The following TNRC6A variants were observed in gnomAD, a reference collection of about 807,000 sequenced individuals.
TNRC6A encodes trinucleotide repeat-containing gene 6A protein.
TNRC6A carries 44 observed loss-of-function variants against 221.2 expected under a neutral mutation model. The ratio of observed to expected loss-of-function variants is 0.20; its 90% CI spans 0.16 to 0.26. The LOEUF (loss-of-function observed/expected upper bound fraction) is 0.26. Ranked by LOEUF, TNRC6A falls within the 10% of genes least tolerant of loss-of-function variation. The pLI, the probability that TNRC6A is intolerant of heterozygous loss-of-function variation, is 1.00. For missense variants in TNRC6A, 2,199 were observed against 2,404.4 expected (o/e 0.91, Z 1.79); for synonymous variants, 847 against 838.5 (o/e 1.01, Z -0.18).
chr16:24,769,840 T>C (rs2057553056), intron 4 of TNRC6A, among the ~76,000 whole-genome samples: 1 of 152,238 alleles, frequency 6.6e-6, no homozygotes, highest in Admixed American at 6.5e-5. Flanking sequence ...CTCAGTATTG[T>C]TCTATCTTGT....
intron 2 of TNRC6A, among the ~76,000 whole-genome samples, chr16:24,741,898 G>T (rs934120664): frequency 6.6e-6 from 1 of 152,116 alleles, no homozygotes; most frequent in Admixed American, 6.5e-5. Flanking sequence ...ATACAGTGGC[G>T]TGATCGTGGC....
intron 4 of TNRC6A, among the ~76,000 whole-genome samples, chr16:24,765,949 C>T (rs1348489891): frequency 6.6e-6 from 1 of 151,992 alleles, no homozygotes; most frequent in Non-Finnish European, 1.5e-5. Context: ...TTCTAACAAA[C>T]GTAGATTTGT....
At chr16:24,810,149 A>G (rs771414540) in intron 18 of TNRC6A, among the ~76,000 whole-genome samples, 5 of 152,234 alleles carry the variant, frequency 3.3e-5, no homozygotes, top group Admixed American at 1.3e-4. Context: ...ATATATGGAC[A>G]CATTTCTTTA....
At chr16:24,658,919 C>T (rs1172302620) in intron 2 of TNRC6A, among the ~76,000 whole-genome samples, 4 of 151,886 alleles carry the variant, frequency 2.6e-5, no homozygotes, top group Admixed American at 2.6e-4. Context: ...AGCGATCCTC[C>T]CACCTCAGCC....
At position 24,669,766 on chromosome 16, in the gene TNRC6A, T is replaced by A. The variant is rs567381708; in HGVS notation, n.402+28757T>A. Reference sequence around the variant, plus strand: ...GTGCTGGCAGGAGGAGGAATAACAGTACTTGTTTTAGTAGTAAGAGTAGTA... The same window carrying A: ...GTGCTGGCAGGAGGAGGAATAACAGAACTTGTTTTAGTAGTAAGAGTAGTA... On this transcript the variant is annotated intron_variant and non_coding_transcript_variant, in intron 2 of 2. Transcript: ENST00000566108. Among the ~76,000 whole-genome samples the A allele has an allele frequency of 3.3e-5, 5 of 151,992 alleles. No individual in the cohort carries two copies. In the South Asian group the frequency reaches 1.0e-3, roughly 32 times the overall value.
intron 2 of TNRC6A, among the ~76,000 whole-genome samples, chr16:24,670,663 ATC>A (rs1462053231): frequency 6.6e-6 from 1 of 152,004 alleles, no homozygotes; most frequent in Non-Finnish European, 1.5e-5. Context: ...CCAGCCTCCG[ATC>A]TCTCTCATTT....
intron 2 of TNRC6A, among the ~76,000 whole-genome samples, chr16:24,694,585 G>A (rs1275462685): frequency 6.8e-6 from 1 of 147,998 alleles, no homozygotes; most frequent in Admixed American, 6.9e-5. Context: ...AACCCTGGAG[G>A]CAGGGTTGCA....
chr16:24,622,340 C>G (rs1019674321), intron 1 of TNRC6A, among the ~76,000 whole-genome samples: 4 of 152,232 alleles, frequency 2.6e-5, no homozygotes, highest in Non-Finnish European at 5.9e-5. Context: ...GTGGCTCACA[C>G]CTGTAATCGT....
intron 2 of TNRC6A, among the ~76,000 whole-genome samples, chr16:24,713,976 T>C (rs1274013565): frequency 1.3e-5 from 2 of 152,202 alleles, no homozygotes; most frequent in Non-Finnish European, 2.9e-5. Flanking sequence ...GATTCAATTA[T>C]GATTTGCCTT....
chr16:24,708,244 G>GT (rs778579144), intron 2 of TNRC6A, among the ~76,000 whole-genome samples: 25,754 of 138,374 alleles, frequency 0.19, 2,766 homozygotes, highest in South Asian at 0.29. Flanking sequence ...ACATGGATGA[G>GT]TTTTTTTTTT....
Position 24,730,226 on chromosome 16 carries a change from GTTTTTGTTTTT to G in TNRC6A, c.6-26_6-16del. On this transcript the variant is annotated splice_polypyrimidine_tract_variant and intron_variant, in intron 1 of 24. Transcript: ENST00000395799. ...GTTTTTGTGTGTGTGTTTTTGTTTT[GTTTTTGTTTTT>G]GTTTTTTTGTTTCAGAGAATTGGAA... 2 of 1,571,544 alleles carry G rather than the reference GTTTTTGTTTTT, an allele frequency of 1.3e-6. No homozygotes were observed. Among genetic ancestry groups the G allele is most frequent in the Admixed American group, 3.6e-5 (2 of 55,162 alleles).
At chr16:24,767,252 A>G (rs1386612302) in intron 4 of TNRC6A, among the ~76,000 whole-genome samples, 2 of 152,260 alleles carry the variant, frequency 1.3e-5, no homozygotes, top group East Asian at 1.9e-4. Context: ...ATACATGTTC[A>G]GAAGGAGGAA....
intron 2 of TNRC6A, among the ~76,000 whole-genome samples, chr16:24,699,796 G>A (rs1253303118): frequency 6.6e-6 from 1 of 151,788 alleles, no homozygotes; most frequent in Non-Finnish European, 1.5e-5. Context: ...GCACTGAGCT[G>A]AAGGGCCACA....
chr16:24,627,308 T>C (rs1472662535), intron 1 of TNRC6A, among the ~76,000 whole-genome samples: 1 of 152,066 alleles, frequency 6.6e-6, no homozygotes, highest in Non-Finnish European at 1.5e-5. Context: ...TGCTTCACAA[T>C]CCGGGTCAGC....
At chr16:24,805,857 C>A in intron 15 of TNRC6A, 124 bp downstream of exon 15, 1 of 1,260,432 alleles carries the variant, frequency 7.9e-7, no homozygotes. Context: ...CCTCATGGAG[C>A]TTACAGTCTA....
chr16:24,734,304 G>C (rs2056713340), intron 2 of TNRC6A, among the ~76,000 whole-genome samples: 1 of 152,202 alleles, frequency 6.6e-6, no homozygotes, highest in South Asian at 2.1e-4. Flanking sequence ...CATCATGGGT[G>C]AATGAGAGTT....
At chr16:24,618,368 G>T (rs1443670452) in intron 1 of TNRC6A, among the ~76,000 whole-genome samples, 2 of 152,188 alleles carry the variant, frequency 1.3e-5, no homozygotes, top group Non-Finnish European at 2.9e-5. Flanking sequence ...CCTACTCCTG[G>T]TAGGCTCTCA....
At chr16:24,747,734 C>T (rs1448778170) in intron 2 of TNRC6A, among the ~76,000 whole-genome samples, 2 of 152,134 alleles carry the variant, frequency 1.3e-5, no homozygotes, top group Non-Finnish European at 2.9e-5. Flanking sequence ...ACTTACTCCC[C>T]TCTGTGCTTA....
At chr16:24,629,021 C>T (rs148488781) in intron 1 of TNRC6A, among the ~76,000 whole-genome samples, 58 of 152,258 alleles carry the variant, frequency 3.8e-4, no homozygotes, top group African/African-American at 1.3e-3. Context: ...TTTTAACTAA[C>T]ATGCAATTTA....
Sources: allele counts gnomAD v4.1 joint callset (sites outside exome capture counted in the v4.1 genomes callset), GRCh38; gene constraint gnomAD v4.1.1; transcripts MANE v1.5; gene names NCBI Gene and HGNC (gene_info 2026-07-23, HGNC 2026-07-21).